Variants in NKAIN2 observed in about 807,000 individuals in gnomAD.
NKAIN2 encodes the protein sodium/potassium-transporting ATPase subunit beta-1-interacting protein 2.
A neutral mutation model predicts 32.6 loss-of-function variants in NKAIN2; 14 were observed. That is an observed-to-expected ratio of 0.43 (90% CI 0.28 to 0.67). NKAIN2 has a LOEUF of 0.67. Among genes scored for constraint, NKAIN2 ranks in the 30% least tolerant of loss-of-function variants. NKAIN2 has a pLI of 0.17. For missense variants in NKAIN2, 198 were observed against 258.3 expected (o/e 0.77, Z 1.60); for synonymous variants, 80 against 87.2 (o/e 0.92, Z 0.46).
chr6:124,786,048 G>A (rs1366464077), intron 4 of NKAIN2, among the ~76,000 whole-genome samples: 6 of 152,102 alleles, frequency 3.9e-5, no homozygotes, highest in South Asian at 4.1e-4. Context: ...TACTATCACT[G>A]TAAAATTTTC....
chr6:124,141,586 C>T (rs1787142222), intron 1 of NKAIN2, among the ~76,000 whole-genome samples: 1 of 151,770 alleles, frequency 6.6e-6, no homozygotes, highest in South Asian at 2.1e-4. Flanking sequence ...TATTTTCTTG[C>T]TCATTTTTTT....
chr6:124,219,026 C>T (rs746538104), intron 1 of NKAIN2, among the ~76,000 whole-genome samples: 5 of 151,950 alleles, frequency 3.3e-5, no homozygotes, highest in East Asian at 3.9e-4. Context: ...AACTTCCAAA[C>T]GCTTACTGGG....
In NKAIN2 at chr6:124,714,012, G is replaced by A. The variant is rs919077028; in HGVS notation, c.474+55626G>A. Among the ~76,000 whole-genome samples the A allele has an allele frequency of 6.6e-5, 10 of 152,210 alleles. No homozygotes were observed. The South Asian group carries it at 1.0e-3, about 16-fold the overall frequency. Reference sequence around the variant, plus strand: ...CTAGCTGTTCCTAGATCTGACTGCAGCATCCTTAAGACATTCTCCTGAATG... The same window carrying A: ...CTAGCTGTTCCTAGATCTGACTGCAACATCCTTAAGACATTCTCCTGAATG... On this transcript the variant is annotated intron_variant, in intron 4 of 6. Transcript: ENST00000368417.
chr6:124,191,074 A>G (rs546053149), intron 1 of NKAIN2, among the ~76,000 whole-genome samples: 2 of 152,262 alleles, frequency 1.3e-5, no homozygotes, highest in East Asian at 1.9e-4. Context: ...TGTACATTCT[A>G]TTGGCTTTGA....
At chr6:124,386,840 T>G (rs1199701545) in intron 3 of NKAIN2, among the ~76,000 whole-genome samples, 3 of 152,178 alleles carry the variant, frequency 2.0e-5, no homozygotes, top group Non-Finnish European at 4.4e-5. Context: ...TGTAAACTAT[T>G]GATTTCTTTG....
intron 1 of NKAIN2, among the ~76,000 whole-genome samples, chr6:123,938,141 C>CT (rs1776607050): frequency 6.6e-6 from 1 of 151,808 alleles, no homozygotes; most frequent in South Asian, 2.1e-4. Context: ...TTTTCTGTCA[C>CT]TTGCAGTCTA....
chr6:123,845,945 C>T (rs551154155), intron 1 of NKAIN2, among the ~76,000 whole-genome samples: 1 of 152,152 alleles, frequency 6.6e-6, no homozygotes, highest in Admixed American at 6.6e-5. Flanking sequence ...TCTTTAAATA[C>T]TCTATATTTT....
intron 1 of NKAIN2, among the ~76,000 whole-genome samples, chr6:123,940,270 A>G (rs1288640068): frequency 1.3e-5 from 2 of 151,642 alleles, no homozygotes; most frequent in Admixed American, 6.6e-5. Context: ...TGAATGCCCT[A>G]CACTTACATG....
chr6:124,761,377 C>CTTTTA (rs1778258710), intron 4 of NKAIN2, among the ~76,000 whole-genome samples: 1 of 152,100 alleles, frequency 6.6e-6, no homozygotes, highest in Non-Finnish European at 1.5e-5. Context: ...TACTTCATAC[C>CTTTTA]ACGTTTCCTT....
intron 3 of NKAIN2, among the ~76,000 whole-genome samples, chr6:124,471,229 T>C (rs1391219171): frequency 6.6e-6 from 1 of 152,206 alleles, no homozygotes; most frequent in Non-Finnish European, 1.5e-5. Context: ...TTGATATATT[T>C]TGTTTTTGGA....
intron 3 of NKAIN2, among the ~76,000 whole-genome samples, chr6:124,629,854 G>A (rs1783495519): frequency 6.6e-6 from 1 of 151,998 alleles, no homozygotes; most frequent in Admixed American, 6.6e-5. Flanking sequence ...AGCTCTACTA[G>A]ATACTTGTCA....
chr6:124,320,449 A>G (rs980882106), intron 2 of NKAIN2, among the ~76,000 whole-genome samples: 1 of 152,178 alleles, frequency 6.6e-6, no homozygotes, highest in Non-Finnish European at 1.5e-5. Context: ...GTTCTGAAGG[A>G]TAAGGTTTAT....
At position 123,905,604 on chromosome 6, in the gene NKAIN2, A is replaced by G. The variant is rs538090337; in HGVS notation, c.54+101350A>G. Among the ~76,000 whole-genome samples the G allele has an allele frequency of 1.5e-3, 235 of 152,272 alleles. 2 individuals carry two copies. The highest frequency in any genetic ancestry group is 5.6e-3 in the African/African-American group (231 of 41,562). On this transcript the variant is annotated intron_variant, in intron 1 of 6. Transcript: ENST00000368417. ...GAGAGACCTATAGAGGTCTAGTTCT[A>G]ATGTACCTAATGTACACTGTGGACT...
At chr6:124,494,144 G>A (rs1336767) in intron 3 of NKAIN2, among the ~76,000 whole-genome samples, 8,936 of 152,040 alleles carry the variant, frequency 0.059, 325 homozygotes, top group East Asian at 0.14. Context: ...AAAATGAATC[G>A]TATTGCATGG....
intron 2 of NKAIN2, among the ~76,000 whole-genome samples, chr6:124,348,240 C>G (rs1398025309): frequency 6.6e-6 from 1 of 151,626 alleles, no homozygotes; most frequent in Non-Finnish European, 1.5e-5. Flanking sequence ...TGTCAGTCTG[C>G]CCCCACTGGG....
intron 3 of NKAIN2, among the ~76,000 whole-genome samples, chr6:124,369,210 A>G (rs1799647683): frequency 6.6e-6 from 1 of 152,194 alleles, no homozygotes; most frequent in Non-Finnish European, 1.5e-5. Flanking sequence ...ATTCTAGGAT[A>G]GTAATTTTTA....
At chr6:124,754,839 G>A (rs1250134874) in intron 4 of NKAIN2, among the ~76,000 whole-genome samples, 1 of 152,082 alleles carries the variant, frequency 6.6e-6, no homozygotes, top group Non-Finnish European at 1.5e-5. Flanking sequence ...ATACACATAT[G>A]TTCATTGCAA....
chr6:124,634,155 A>G (rs1033362702), intron 3 of NKAIN2, among the ~76,000 whole-genome samples: 4 of 152,194 alleles, frequency 2.6e-5, no homozygotes, highest in Admixed American at 2.6e-4. Context: ...TAACGGTTTC[A>G]CCAGATGTGC....
At chr6:124,436,855 A>G (rs1775468219) in intron 3 of NKAIN2, among the ~76,000 whole-genome samples, 1 of 152,288 alleles carries the variant, frequency 6.6e-6, no homozygotes, top group East Asian at 1.9e-4. Context: ...AGAGGCTTCC[A>G]TCTTCTGCTA....
Sources: gnomAD v4.1 joint callset for allele counts (sites outside exome capture counted in the v4.1 genomes callset) on GRCh38, gnomAD v4.1.1 for gene constraint, MANE v1.5 for transcripts, NCBI Gene and HGNC (gene_info 2026-07-23, HGNC 2026-07-21) for gene names.